HS3ST3B1: variants seen among roughly 807,000 people sequenced by gnomAD.
HS3ST3B1 encodes the protein heparan sulfate glucosamine 3-O-sulfotransferase 3B1.
HS3ST3B1 carries 13 observed loss-of-function variants against 21.3 expected under a neutral mutation model. The ratio of observed to expected loss-of-function variants is 0.61; its 90% CI spans 0.40 to 0.97. The LOEUF is 0.97. Ranked by LOEUF, HS3ST3B1 falls within the 50% of genes least tolerant of loss-of-function variation. The pLI is 0.00. For missense variants in HS3ST3B1, 459 were observed against 554.8 expected (o/e 0.83, Z 1.73); for synonymous variants, 234 against 254.8 (o/e 0.92, Z 0.78).
chr17:14,316,358 G>C (rs765796400), intron 1 of HS3ST3B1, among the ~76,000 whole-genome samples: 3 of 152,240 alleles, frequency 2.0e-5, no homozygotes, highest in Non-Finnish European at 2.9e-5. Flanking sequence ...GAACAGACTT[G>C]CTGATTAGGA....
At chr17:14,329,546 A>C (rs1909936600) in intron 1 of HS3ST3B1, 1 of 151,282 alleles carries the variant, frequency 6.6e-6, no homozygotes, top group Non-Finnish European at 1.5e-5. Flanking sequence ...GAAAAGAAGA[A>C]AGAAAAGGAA....
At chr17:14,332,242 G>T (rs1910036651) in intron 1 of HS3ST3B1, among the ~76,000 whole-genome samples, 1 of 152,120 alleles carries the variant, frequency 6.6e-6, no homozygotes, top group Non-Finnish European at 1.5e-5. Context: ...TAGTACATTG[G>T]CTTTCGGAGA....
intron 1 of HS3ST3B1, among the ~76,000 whole-genome samples, chr17:14,326,474 A>G (rs1909820603): frequency 6.6e-6 from 1 of 152,158 alleles, no homozygotes. Context: ...TTCTAACCTT[A>G]TTTGCCATCA....
intron 1 of HS3ST3B1, among the ~76,000 whole-genome samples, chr17:14,332,281 T>C (rs977814729): frequency 1.3e-5 from 2 of 152,192 alleles, no homozygotes; most frequent in Non-Finnish European, 2.9e-5. Flanking sequence ...TGCTTGCTAT[T>C]ACAGAAAATG....
intron 1 of HS3ST3B1, among the ~76,000 whole-genome samples, chr17:14,309,452 C>CG (rs962580352): frequency 2.6e-5 from 4 of 152,158 alleles, no homozygotes; most frequent in African/African-American, 9.7e-5. Flanking sequence ...TGGGCGGTGC[C>CG]GGCGGGACCC....
chr17:14,326,686 A>G (rs1331016835), intron 1 of HS3ST3B1, among the ~76,000 whole-genome samples: 2 of 152,036 alleles, frequency 1.3e-5, no homozygotes, highest in African/African-American at 4.8e-5. Context: ...TGGGAGGCCG[A>G]GGCGGGTGGA....
chr17:14,311,385 G>A (rs898855532), intron 1 of HS3ST3B1, among the ~76,000 whole-genome samples: 1 of 152,116 alleles, frequency 6.6e-6, no homozygotes, highest in Admixed American at 6.6e-5. Context: ...GACCCAGACC[G>A]TATTTTTAGA....
intron 1 of HS3ST3B1, among the ~76,000 whole-genome samples, chr17:14,308,303 T>G (rs563068143): frequency 6.6e-6 from 1 of 152,368 alleles, no homozygotes; most frequent in East Asian, 1.9e-4. Context: ...TGTGTTAAAA[T>G]ACTGCTAATG....
intron 1 of HS3ST3B1, among the ~76,000 whole-genome samples, chr17:14,338,630 A>T (rs1910271032): frequency 6.6e-6 from 1 of 151,084 alleles, no homozygotes; most frequent in Non-Finnish European, 1.5e-5. Flanking sequence ...TTTAGTAGAG[A>T]TTAGGTTTTT....
chr17:14,305,584 A>G (rs1156530174), intron 1 of HS3ST3B1: 2 of 152,254 alleles, frequency 1.3e-5, no homozygotes, highest in Non-Finnish European at 2.9e-5. Flanking sequence ...GAATTAAGTT[A>G]GCCAAATATT....
Position 14,345,600 on chromosome 17 carries a change from A to G in HS3ST3B1, c.1127A>G (p.Asn376Ser). Reference sequence around the variant, plus strand: ...CTGCGCGAGTTCTACCGGCCTTTCAACCTCAAGTTCTACCAGATGACCGGG... The same window carrying G: ...CTGCGCGAGTTCTACCGGCCTTTCAGCCTCAAGTTCTACCAGATGACCGGG... ...RRLREFYRPF[N>S]LKFYQMTGHD... is the part of the protein sequence containing the mutation. The change falls in exon 2 of 2, where the codon AAC (asparagine) becomes AGC (serine). Residue 376 changes from asparagine to serine, a missense_variant. By Grantham distance (46) the Asn-to-Ser change is conservative. Transcript: ENST00000360954. The G allele has an allele frequency of 6.2e-7, 1 of 1,610,204 alleles. No homozygotes were observed.
At chr17:14,302,726 G>T (rs1001885259) in intron 1 of HS3ST3B1, among the ~76,000 whole-genome samples, 1 of 152,070 alleles carries the variant, frequency 6.6e-6, no homozygotes, top group Non-Finnish European at 1.5e-5. Flanking sequence ...GCGTGGAGCT[G>T]TGCTGGTCCC....
rs566402213 is a variant in HS3ST3B1, at chr17:14,335,131, CCTT to C, written c.555-9894_555-9892del. 9.7e-4 allele frequency among the ~76,000 whole-genome samples: 148 copies of C among 152,196 alleles called. 1 individual carries two copies. Among genetic ancestry groups the C allele is most frequent in the African/African-American group, 3.3e-3 (139 of 41,518 alleles). On this transcript the variant is annotated intron_variant, in intron 1 of 1. Transcript: ENST00000360954. The stretch of plus-strand genomic sequence containing the variant: ...AGAATAGTTTATCAGAATGGGCTGA[CCTT>C]CTGCAGATTCCACTGCTGAACTAAT...
At chr17:14,325,598 A>C (rs1909785360) in intron 1 of HS3ST3B1, among the ~76,000 whole-genome samples, 1 of 152,224 alleles carries the variant, frequency 6.6e-6, no homozygotes, top group South Asian at 2.1e-4. Context: ...AAAAGGCTGG[A>C]GTCAGATAAT....
Position 14,347,416 on chromosome 17 carries a change from T to C in HS3ST3B1, c.*1770T>C, listed in dbSNP as rs940952860. ...GATATGTTTAATTTAACCTCAGTTT[T>C]TTAAACCAGAATGCTTCTACCATAA... On this transcript the variant is annotated 3_prime_UTR_variant, in exon 2 of 2. Coordinates refer to ENST00000360954, the MANE Select transcript of HS3ST3B1 (RefSeq NM_006041.3). 2.0e-5 allele frequency: 3 copies of C among 152,244 alleles called. No individual in the cohort carries two copies. Among genetic ancestry groups the C allele is most frequent in the African/African-American group, 7.2e-5 (3 of 41,472 alleles). 9.4% of individuals were successfully genotyped at this position (152,244 alleles called of 1,614,324 possible). A position where few individuals can be genotyped will look rare whatever the true frequency, so the allele number is the denominator to read the frequency against.
chr17:14,313,122 ATGTG>A (rs1555548209), intron 1 of HS3ST3B1, among the ~76,000 whole-genome samples: 2 of 145,686 alleles, frequency 1.4e-5, no homozygotes, highest in African/African-American at 2.6e-5. Flanking sequence ...ATATATATAT[ATGTG>A]TGTGTGTGTA....
chr17:14,326,257 G>A (rs901091277), intron 1 of HS3ST3B1, among the ~76,000 whole-genome samples: 5 of 152,154 alleles, frequency 3.3e-5, no homozygotes, highest in African/African-American at 1.2e-4. Flanking sequence ...GTTGGAAGGA[G>A]GGTTGGAAAG....
intron 1 of HS3ST3B1, chr17:14,328,977 T>A (rs1406445385): frequency 6.6e-6 from 1 of 152,032 alleles, no homozygotes; most frequent in Non-Finnish European, 1.5e-5. Context: ...TTCAAGCTTA[T>A]GTCTTCAGAT....
At chr17:14,302,428 T>G (rs1441684928) in intron 1 of HS3ST3B1, among the ~76,000 whole-genome samples, 1 of 152,128 alleles carries the variant, frequency 6.6e-6, no homozygotes, top group Non-Finnish European at 1.5e-5. Context: ...TCGTTTTAAA[T>G]TTTTTCCTCC....
Sources: gnomAD v4.1 joint callset for allele counts (sites outside exome capture counted in the v4.1 genomes callset) on GRCh38, gnomAD v4.1.1 for gene constraint, MANE v1.5 for transcripts, NCBI Gene and HGNC (gene_info 2026-07-23, HGNC 2026-07-21) for gene names.